The following TSHZ2 variants were observed in gnomAD, a reference collection of about 807,000 sequenced individuals.
The protein encoded by TSHZ2 is teashirt homolog 2.
A neutral mutation model predicts 74.4 loss-of-function variants in TSHZ2; 21 were observed. The ratio of observed to expected loss-of-function variants is 0.28; its 90% CI spans 0.20 to 0.41. The LOEUF (loss-of-function observed/expected upper bound fraction) is 0.41, where lower values mean the gene tolerates loss of function less well. Ranked by LOEUF, TSHZ2 falls within the 10% of genes least tolerant of loss-of-function variation. The pLI, the probability that TSHZ2 is intolerant of heterozygous loss-of-function variation, is 1.00. For missense variants in TSHZ2, 1,244 were observed against 1,293.5 expected, an observed-to-expected ratio of 0.96 and a Z score of 0.59; for synonymous variants, 540 against 515.3, an observed-to-expected ratio of 1.05 and a Z score of -0.65.
intron 1 of TSHZ2, among the ~76,000 whole-genome samples, chr20:53,065,122 C>T (rs747903782): frequency 1.3e-5 from 2 of 152,194 alleles, no homozygotes; most frequent in Non-Finnish European, 2.9e-5. Flanking sequence ...TCATTCGCCT[C>T]GTCTGCAGGA....
At chr20:53,280,640 T>C (rs1991038042) in intron 2 of TSHZ2, among the ~76,000 whole-genome samples, 3 of 144,726 alleles carry the variant, frequency 2.1e-5, no homozygotes, top group Non-Finnish European at 4.4e-5. Flanking sequence ...ACAAGTCGTT[T>C]TTTTGTTTGT....
intron 2 of TSHZ2, among the ~76,000 whole-genome samples, chr20:53,395,226 T>G (rs540645548): frequency 1.3e-5 from 2 of 152,328 alleles, no homozygotes; most frequent in African/African-American, 2.4e-5. Context: ...AGAAGCAGTT[T>G]CTGGAGTAAG....
chr20:53,334,038 T>G (rs1215365626), intron 2 of TSHZ2, among the ~76,000 whole-genome samples: 1 of 152,238 alleles, frequency 6.6e-6, no homozygotes, highest in Non-Finnish European at 1.5e-5. Flanking sequence ...ATGCAGATAT[T>G]CCCACACATC....
chr20:53,278,076 C>A lies in TSHZ2; in HGVS notation c.*8+21505C>A, dbSNP rs76117908. On this transcript the variant is annotated intron_variant, in intron 2 of 2. Transcript: ENST00000371497. The stretch of plus-strand genomic sequence containing the variant: ...CACAATGAGAAGAGCTACCATTTCA[C>A]GAGTGTTTATTCTGTCTCAGGTGCT... 5.5e-3 allele frequency among the ~76,000 whole-genome samples: 843 copies of A among 152,270 alleles called. 7 individuals carry two copies. Among genetic ancestry groups the A allele is most frequent in the Non-Finnish European group, 7.5e-3 (507 of 68,022 alleles).
chr20:53,230,647 C>A (rs1255434976), intron 1 of TSHZ2, among the ~76,000 whole-genome samples: 1 of 152,126 alleles, frequency 6.6e-6, no homozygotes, highest in Non-Finnish European at 1.5e-5. Flanking sequence ...AATCCCAGCA[C>A]TTTGGGAGGC....
chr20:53,040,345 G>T (rs1324984337), intron 1 of TSHZ2, among the ~76,000 whole-genome samples: 1 of 152,116 alleles, frequency 6.6e-6, no homozygotes, highest in African/African-American at 2.4e-5. Flanking sequence ...TGGTGTGGAG[G>T]GAGGAGGGCT....
chr20:53,137,688 C>A (rs1412130985), intron 1 of TSHZ2, among the ~76,000 whole-genome samples: 1 of 152,128 alleles, frequency 6.6e-6, no homozygotes, highest in East Asian at 1.9e-4. Context: ...CATATCATCG[C>A]CCTCTAGCTG....
intron 2 of TSHZ2, among the ~76,000 whole-genome samples, chr20:53,274,205 G>A (rs543355948): frequency 6.6e-6 from 1 of 152,336 alleles, no homozygotes; most frequent in South Asian, 2.1e-4. Flanking sequence ...GGGAGACGGA[G>A]ATTGCAGTGA....
intron 1 of TSHZ2, among the ~76,000 whole-genome samples, chr20:53,194,880 G>T (rs1988823841): frequency 6.6e-6 from 1 of 152,208 alleles, no homozygotes; most frequent in African/African-American, 2.4e-5. Context: ...TCACAGGCTA[G>T]TTCTGATTGT....
At chr20:53,224,840 A>G (rs1989644324) in intron 1 of TSHZ2, among the ~76,000 whole-genome samples, 1 of 144,404 alleles carries the variant, frequency 6.9e-6, no homozygotes, top group African/African-American at 2.5e-5. Flanking sequence ...ACAGAGCAAG[A>G]CTCCATCTCA....
At chr20:53,019,696 T>A (rs1161597426) in intron 1 of TSHZ2, among the ~76,000 whole-genome samples, 1 of 152,180 alleles carries the variant, frequency 6.6e-6, no homozygotes, top group Non-Finnish European at 1.5e-5. Flanking sequence ...AGTTGCCTAC[T>A]TCCTCCAAGC....
chr20:53,054,501 A>G (rs1568738597), intron 1 of TSHZ2, among the ~76,000 whole-genome samples: 1 of 152,222 alleles, frequency 6.6e-6, no homozygotes. Flanking sequence ...GCAAATCCGC[A>G]GAACTTTAAA....
At chr20:53,229,841 A>C (rs1989778579) in intron 1 of TSHZ2, among the ~76,000 whole-genome samples, 1 of 150,742 alleles carries the variant, frequency 6.6e-6, no homozygotes, top group Admixed American at 6.6e-5. Context: ...GAGAAAGAAA[A>C]GAAAAAAAGA....
At chr20:53,271,058 C>T (rs569172677) in intron 2 of TSHZ2, among the ~76,000 whole-genome samples, 19 of 152,260 alleles carry the variant, frequency 1.2e-4, no homozygotes, top group African/African-American at 3.6e-4. Flanking sequence ...ATCAGGACCT[C>T]GTCATCCCAG....
chr20:53,427,066 G>A (rs1478860575), intron 2 of TSHZ2, among the ~76,000 whole-genome samples: 1 of 152,144 alleles, frequency 6.6e-6, no homozygotes, highest in African/African-American at 2.4e-5. Context: ...CTCCCTTCAT[G>A]GGCTGGAGCG....
chr20:53,316,395 G>T (rs188904998), intron 2 of TSHZ2, among the ~76,000 whole-genome samples: 1 of 152,158 alleles, frequency 6.6e-6, no homozygotes, highest in African/African-American at 2.4e-5. Context: ...AGCCCTCAGC[G>T]TAGTAGGGGG....
At chr20:53,467,105 A>G (rs1314283987) in intron 2 of TSHZ2, among the ~76,000 whole-genome samples, 3 of 152,244 alleles carry the variant, frequency 2.0e-5, no homozygotes, top group Non-Finnish European at 4.4e-5. Context: ...TGAGGAAGGC[A>G]GAGCTTCTAA....
intron 1 of TSHZ2, among the ~76,000 whole-genome samples, chr20:53,105,129 G>C (rs894330341): frequency 7.2e-5 from 11 of 152,218 alleles, no homozygotes; most frequent in African/African-American, 2.7e-4. Context: ...CCATGCTTGA[G>C]AACTAAGGAA....
intron 1 of TSHZ2, among the ~76,000 whole-genome samples, chr20:53,050,097 A>ATG (rs199969118): frequency 3.4e-4 from 28 of 81,866 alleles, no homozygotes; most frequent in African/African-American, 1.0e-3. Flanking sequence ...AAAAATGTAT[A>ATG]TGTGTGTATA....
Sources: gnomAD v4.1 joint callset for allele counts (sites outside exome capture counted in the v4.1 genomes callset) on GRCh38, gnomAD v4.1.1 for gene constraint, MANE v1.5 for transcripts, NCBI Gene and HGNC (gene_info 2026-07-23, HGNC 2026-07-21) for gene names.